SLC24A3: variants seen among roughly 807,000 people sequenced by gnomAD.
The protein encoded by SLC24A3 is solute carrier family 24 member 3, also known as sodium/potassium/calcium exchanger 3.
A neutral mutation model predicts 75.8 loss-of-function variants in SLC24A3; 28 were observed. That is an observed-to-expected ratio of 0.37 (90% CI 0.27 to 0.51). The LOEUF (loss-of-function observed/expected upper bound fraction) is 0.51. Ranked by LOEUF, SLC24A3 falls within the 20% of genes least tolerant of loss-of-function variation. The pLI is 0.94. For synonymous variants in SLC24A3, 372 were observed against 334.1 expected (o/e 1.11, Z -1.24); for missense variants, 663 against 847.8 (o/e 0.78, Z 2.71).
intron 3 of SLC24A3, among the ~76,000 whole-genome samples, chr20:19,567,188 A>G (rs2030971795): frequency 6.6e-6 from 1 of 152,210 alleles, no homozygotes; most frequent in African/African-American, 2.4e-5. Flanking sequence ...ATAGTTCACA[A>G]GTGGTCCAAA....
chr20:19,400,700 G>T (rs994192634), intron 2 of SLC24A3, among the ~76,000 whole-genome samples: 1 of 152,058 alleles, frequency 6.6e-6, no homozygotes, highest in African/African-American at 2.4e-5. Context: ...CATCTCCCCA[G>T]TTCAAGAATC....
At chr20:19,302,397 CT>C (rs1984216638) in intron 2 of SLC24A3, among the ~76,000 whole-genome samples, 1 of 152,150 alleles carries the variant, frequency 6.6e-6, no homozygotes, top group Non-Finnish European at 1.5e-5. Context: ...AGTATTTTAT[CT>C]TGAAACAACA....
intron 15 of SLC24A3, among the ~76,000 whole-genome samples, chr20:19,699,211 G>C (rs1488812443): frequency 1.3e-5 from 2 of 152,372 alleles, no homozygotes; most frequent in East Asian, 3.9e-4. Context: ...CCCTACTTTA[G>C]TGTACTTAGA....
chr20:19,288,982 G>GA (rs1983877654), intron 2 of SLC24A3, among the ~76,000 whole-genome samples: 1 of 152,174 alleles, frequency 6.6e-6, no homozygotes, highest in South Asian at 2.1e-4. Flanking sequence ...GGCCTTTACA[G>GA]AAATGTTTGC....
intron 2 of SLC24A3, among the ~76,000 whole-genome samples, chr20:19,402,391 G>A (rs1028352164): frequency 6.6e-6 from 1 of 152,188 alleles, no homozygotes; most frequent in Non-Finnish European, 1.5e-5. Context: ...CCTAAAGTTT[G>A]CTTCAGAAAC....
rs757807399 is a variant in SLC24A3 at position 19,684,298 on chromosome 20, A to T, written c.1024A>T (p.Thr342Ser). ...IMITSHFPPK[T>S]RLSMASRMLI... ...GATAACCAGCCACTTTCCCCCCAAG[A>T]CCCGGCTCTCCATGGCCAGTCGCAT... Residue 342 changes from threonine to serine, a missense_variant, in exon 11 of 17, where the codon ACC becomes TCC. Physicochemically the swap from Thr to Ser is moderately conservative, Grantham distance 58 (BLOSUM62 1). This residue lies in a region of SLC24A3 where 510 missense variants were observed against 703.6 expected (regional missense o/e 0.72). Transcript: ENST00000328041. 2 of 1,613,794 alleles carry T rather than the reference A, an allele frequency of 1.2e-6. No homozygotes were observed. Among genetic ancestry groups the T allele is most frequent in the Admixed American group, 1.7e-5 (1 of 59,966 alleles).
chr20:19,696,584 G>C (rs1320187413), intron 13 of SLC24A3: 7 of 453,696 alleles, frequency 1.5e-5, no homozygotes, highest in Non-Finnish European at 2.7e-5. Flanking sequence ...TTGTTGGAAA[G>C]TTTGGGTCCT....
chr20:19,370,619 T>A (rs889970145), intron 2 of SLC24A3, among the ~76,000 whole-genome samples: 5 of 152,254 alleles, frequency 3.3e-5, no homozygotes, highest in Admixed American at 2.0e-4. Flanking sequence ...TATTTCTTGC[T>A]TTTTAAATCA....
At chr20:19,681,595 A>G (rs1221721226) in intron 9 of SLC24A3, among the ~76,000 whole-genome samples, 1 of 152,244 alleles carries the variant, frequency 6.6e-6, no homozygotes, top group South Asian at 2.1e-4. Context: ...AAGAGGTGGC[A>G]AAGTAAGCAA....
At chr20:19,227,220 G>T (rs957332068) in intron 1 of SLC24A3, among the ~76,000 whole-genome samples, 24 of 152,170 alleles carry the variant, frequency 1.6e-4, no homozygotes, top group African/African-American at 5.8e-4. Flanking sequence ...TACCGAGCAG[G>T]TTCAACGTTT....
intron 7 of SLC24A3, among the ~76,000 whole-genome samples, chr20:19,657,935 G>A (rs373217862): frequency 1.3e-5 from 2 of 152,114 alleles, no homozygotes; most frequent in Non-Finnish European, 1.5e-5. Context: ...GCCCTTCCTC[G>A]TACCCACCAA....
chr20:19,353,054 T>A (rs1985605329), intron 2 of SLC24A3, among the ~76,000 whole-genome samples: 1 of 152,270 alleles, frequency 6.6e-6, no homozygotes, highest in Admixed American at 6.5e-5. Flanking sequence ...TGTCGTGCTA[T>A]ACAGGTTTGT....
At chr20:19,572,550 G>A (rs1000304823) in intron 3 of SLC24A3, among the ~76,000 whole-genome samples, 5 of 152,068 alleles carry the variant, frequency 3.3e-5, no homozygotes, top group Non-Finnish European at 5.9e-5. Flanking sequence ...TTCTTTGTGT[G>A]GTAAAATCAA....
chr20:19,676,662 G>A (rs555278537), intron 9 of SLC24A3, among the ~76,000 whole-genome samples: 1 of 152,324 alleles, frequency 6.6e-6, no homozygotes, highest in South Asian at 2.1e-4. Context: ...CTGCCTCCTA[G>A]GTGGAGAGTT....
At chr20:19,447,407 G>A (rs545275117) in intron 2 of SLC24A3, among the ~76,000 whole-genome samples, 6 of 152,062 alleles carry the variant, frequency 3.9e-5, no homozygotes, top group African/African-American at 9.7e-5. Flanking sequence ...TGGCTAGTCC[G>A]TCTACTGGAA....
chr20:19,650,626 C>G (rs1377628573), intron 6 of SLC24A3, among the ~76,000 whole-genome samples: 1 of 152,088 alleles, frequency 6.6e-6, no homozygotes, highest in African/African-American at 2.4e-5. Flanking sequence ...GGAGGGTTTA[C>G]GTCTCTTTTA....
intron 2 of SLC24A3, among the ~76,000 whole-genome samples, chr20:19,402,535 A>T (rs572037221): frequency 6.6e-6 from 1 of 152,364 alleles, no homozygotes; most frequent in South Asian, 2.1e-4. Context: ...CAGCCCAGCA[A>T]TATTAAGCGG....
intron 2 of SLC24A3, among the ~76,000 whole-genome samples, chr20:19,477,598 C>T (rs183378082): frequency 1.3e-5 from 2 of 152,300 alleles, no homozygotes; most frequent in East Asian, 3.9e-4. Flanking sequence ...ACAGACACCA[C>T]AGTCCTTGGA....
intron 2 of SLC24A3, among the ~76,000 whole-genome samples, chr20:19,317,457 A>G (rs1017132966): frequency 1.3e-5 from 2 of 152,120 alleles, no homozygotes; most frequent in Non-Finnish European, 2.9e-5. Flanking sequence ...CTCCCCTGTG[A>G]CCTGCTGCAT....
Sources: allele counts gnomAD v4.1 joint callset (sites outside exome capture counted in the v4.1 genomes callset), GRCh38; gene constraint gnomAD v4.1.1; regional missense constraint gnomAD v4.1.1; transcripts MANE v1.5; gene names NCBI Gene and HGNC (gene_info 2026-07-23, HGNC 2026-07-21).